Variants in GNG2 observed in about 807,000 individuals in gnomAD.
The protein encoded by GNG2 is G protein subunit gamma 2.
Under a neutral mutation model 5.5 loss-of-function variants are expected in GNG2, and 5 were observed. The observed-to-expected ratio is 0.91, with a 90% CI of 0.48 to 1.92. The LOEUF is 1.92. Among genes scored for constraint, GNG2 ranks in the 30% most tolerant of loss-of-function variants. The pLI is 0.01. For synonymous variants in GNG2, 28 were observed against 32.0 expected, an observed-to-expected ratio of 0.88 and a Z score of 0.42; for missense variants, 55 against 88.4, an observed-to-expected ratio of 0.62 and a Z score of 1.52.
intron 2 of GNG2, among the ~76,000 whole-genome samples, chr14:51,892,912 C>T (rs911416959): frequency 6.6e-6 from 1 of 152,174 alleles, no homozygotes; most frequent in East Asian, 1.9e-4. Context: ...GGAAATTTTT[C>T]AAATATAAAA....
Position 51,968,434 on chromosome 14 carries a change from T to G in GNG2, c.*1747T>G, listed in dbSNP as rs901731228. The G allele has an allele frequency of 2.0e-4, 31 of 152,258 alleles. No homozygotes were observed. Among genetic ancestry groups the G allele is most frequent in the African/African-American group, 6.7e-4 (28 of 41,560 alleles). The allele number at this position is 152,258 out of a possible 1,614,324, so 9.4% of individuals were successfully genotyped here. A position where few individuals can be genotyped will look rare whatever the true frequency, so the allele number is the denominator to read the frequency against. On this transcript the variant is annotated 3_prime_UTR_variant, in exon 4 of 4. Coordinates refer to ENST00000556766, the MANE Select transcript of GNG2 (RefSeq NM_053064.5). ...CCAAGGACAGATTTTGAAACAGACT[T>G]GGTAAATGTTTTCCTTAGCTCCTTC... is the stretch of plus-strand genomic sequence containing the variant.
At chr14:51,832,339 G>T (rs1217187299) in intron 2 of GNG2, among the ~76,000 whole-genome samples, 2 of 150,014 alleles carry the variant, frequency 1.3e-5, no homozygotes, top group African/African-American at 4.8e-5. Context: ...GATGATAAGA[G>T]AATTTAATGT....
chr14:51,849,466 T>C (rs867324141), intron 2 of GNG2, among the ~76,000 whole-genome samples: 9 of 152,194 alleles, frequency 5.9e-5, no homozygotes, highest in African/African-American at 2.2e-4. Flanking sequence ...GAGGGCCATC[T>C]TGGAGAGCAA....
At chr14:51,898,480 A>G (rs1186473551) in intron 2 of GNG2, among the ~76,000 whole-genome samples, 1 of 152,206 alleles carries the variant, frequency 6.6e-6, no homozygotes, top group Non-Finnish European at 1.5e-5. Context: ...TAAAAAGTGA[A>G]AGATACAAGC....
intron 2 of GNG2, among the ~76,000 whole-genome samples, chr14:51,915,023 T>C (rs1050001413): frequency 2.0e-5 from 3 of 152,232 alleles, no homozygotes; most frequent in Non-Finnish European, 4.4e-5. Context: ...GTCATTTCTT[T>C]CTACTTAGGC....
At chr14:51,852,501 G>A (rs1416466761) in intron 2 of GNG2, among the ~76,000 whole-genome samples, 2 of 152,248 alleles carry the variant, frequency 1.3e-5, no homozygotes, top group African/African-American at 4.8e-5. Flanking sequence ...ATAATACAAT[G>A]TGATAAGAGC....
intron 1 of GNG2, among the ~76,000 whole-genome samples, chr14:51,870,555 C>T (rs954415833): frequency 2.6e-5 from 4 of 152,178 alleles, no homozygotes; most frequent in Non-Finnish European, 4.4e-5. Flanking sequence ...GAGCTAGAGA[C>T]GCCAAGCATT....
At chr14:51,846,940 T>C (rs1881644153) in intron 2 of GNG2, among the ~76,000 whole-genome samples, 1 of 152,212 alleles carries the variant, frequency 6.6e-6, no homozygotes, top group Non-Finnish European at 1.5e-5. Flanking sequence ...CTGACGTCTT[T>C]GTGTGGTGCA....
chr14:51,848,543 C>T (rs1339737001), intron 2 of GNG2, among the ~76,000 whole-genome samples: 1 of 152,198 alleles, frequency 6.6e-6, no homozygotes, highest in Non-Finnish European at 1.5e-5. Flanking sequence ...TTGAAATATT[C>T]TTCCCTAGAT....
chr14:51,946,084 G>C (rs1045462102), intron 2 of GNG2, among the ~76,000 whole-genome samples: 6 of 152,144 alleles, frequency 3.9e-5, no homozygotes, highest in Non-Finnish European at 5.9e-5. Context: ...ACTTGTTCTA[G>C]AACAGCATGC....
In GNG2 at chr14:51,966,550, C is replaced by G; in HGVS notation, c.88-9C>G. The G allele has an allele frequency of 6.2e-7, 1 of 1,613,376 alleles. No homozygotes were observed. The highest frequency in any genetic ancestry group is 8.5e-7 in the Non-Finnish European group (1 of 1,179,424). ...CTCCAGTGTTGGTTGTTTTTGTCTC[C>G]CTTTCCAGGTGTCCAAGGCAGCTGC... On this transcript the variant is annotated splice_polypyrimidine_tract_variant and intron_variant, in intron 3 of 3. Coordinates refer to ENST00000556766, the MANE Select transcript of GNG2 (RefSeq NM_053064.5).
chr14:51,910,849 T>G (rs1886247409), intron 2 of GNG2, among the ~76,000 whole-genome samples: 1 of 152,242 alleles, frequency 6.6e-6, no homozygotes, highest in Non-Finnish European at 1.5e-5. Context: ...ATGTTCAATG[T>G]AAAAAGCCCA....
At chr14:51,844,921 T>C (rs1881581409) in intron 2 of GNG2, among the ~76,000 whole-genome samples, 1 of 152,062 alleles carries the variant, frequency 6.6e-6, no homozygotes, top group African/African-American at 2.4e-5. Context: ...GGGATGGGGT[T>C]TCACCATGTT....
At chr14:51,872,635 G>A (rs769199150) in intron 1 of GNG2, among the ~76,000 whole-genome samples, 16 of 152,106 alleles carry the variant, frequency 1.1e-4, no homozygotes, top group Non-Finnish European at 2.1e-4. Context: ...AAGATAACGC[G>A]CTGAGCCATG....
chr14:51,887,083 C>T (rs889922554), intron 2 of GNG2, among the ~76,000 whole-genome samples: 5 of 152,182 alleles, frequency 3.3e-5, no homozygotes, highest in African/African-American at 1.2e-4. Context: ...GACCCAGATA[C>T]AATGGTAGTA....
chr14:51,841,398 C>T, intron 2 of GNG2: 1 of 485,866 alleles, frequency 2.1e-6, no homozygotes, highest in Non-Finnish European at 3.7e-6. Flanking sequence ...GAGGCTGCAC[C>T]AAACAAACAA....
intron 2 of GNG2, chr14:51,914,410 G>GC (rs1374622707): frequency 3.2e-6 from 2 of 621,904 alleles, no homozygotes; most frequent in African/African-American, 3.7e-5. Context: ...GGATCCTTGT[G>GC]CTAAGGTTCC....
intron 2 of GNG2, among the ~76,000 whole-genome samples, chr14:51,935,182 G>A (rs547746022): frequency 6.6e-6 from 1 of 152,110 alleles, no homozygotes; most frequent in Non-Finnish European, 1.5e-5. Context: ...CTGCCACCAC[G>A]CCCCGCTAAT....
chr14:51,935,020 TCTTTC>T (rs1887894611), intron 2 of GNG2, among the ~76,000 whole-genome samples: 1 of 126,400 alleles, frequency 7.9e-6, no homozygotes, highest in Non-Finnish European at 1.6e-5. Flanking sequence ...CAGCCCAGTT[TCTTTC>T]TTTTTTTTTT....
Sources: allele counts gnomAD v4.1 joint callset (sites outside exome capture counted in the v4.1 genomes callset), GRCh38; gene constraint gnomAD v4.1.1; transcripts MANE v1.5; gene names NCBI Gene and HGNC (gene_info 2026-07-23, HGNC 2026-07-21).